SYT1: variants seen among roughly 807,000 people sequenced by gnomAD.
The protein encoded by SYT1 is synaptotagmin 1.
SYT1 carries 8 observed loss-of-function variants against 44.8 expected under a neutral mutation model. The observed-to-expected ratio is 0.18, with a 90% CI of 0.10 to 0.32. The LOEUF (loss-of-function observed/expected upper bound fraction) is 0.32. SYT1 is among the 10% of genes least tolerant of loss of function. SYT1 has a pLI of 1.00. For synonymous variants in SYT1, 154 were observed against 188.8 expected, an observed-to-expected ratio of 0.82 and a Z score of 1.51; for missense variants, 286 against 509.3, an observed-to-expected ratio of 0.56 and a Z score of 4.22.
chr12:79,388,257 T>G (rs1884515675), intron 9 of SYT1, among the ~76,000 whole-genome samples: 1 of 152,236 alleles, frequency 6.6e-6, no homozygotes, highest in Non-Finnish European at 1.5e-5. Flanking sequence ...TCTAGTTCCT[T>G]GGTCACTACT....
At chr12:79,322,882 G>T (rs1881432401) in intron 8 of SYT1, among the ~76,000 whole-genome samples, 1 of 152,134 alleles carries the variant, frequency 6.6e-6, no homozygotes, top group Admixed American at 6.5e-5. Context: ...AGACCCTCCT[G>T]AAAGTGTTAA....
At chr12:79,173,892 A>G (rs1206421563) in intron 3 of SYT1, among the ~76,000 whole-genome samples, 1 of 152,046 alleles carries the variant, frequency 6.6e-6, no homozygotes, top group Non-Finnish European at 1.5e-5. Context: ...GCCGTAATGT[A>G]TATTTAACTT....
intron 2 of SYT1, among the ~76,000 whole-genome samples, chr12:78,984,312 A>G (rs1869491064): frequency 6.6e-6 from 1 of 151,998 alleles, no homozygotes; most frequent in Non-Finnish European, 1.5e-5. Context: ...TTACCATTGC[A>G]GTATGCCAGT....
At chr12:79,147,770 T>C (rs926916720) in intron 3 of SYT1, among the ~76,000 whole-genome samples, 2 of 152,140 alleles carry the variant, frequency 1.3e-5, no homozygotes, top group African/African-American at 4.8e-5. Context: ...CAGGAAGAAA[T>C]ATGAAATATC....
At chr12:79,395,822 T>C (rs1048513793) in intron 9 of SYT1, among the ~76,000 whole-genome samples, 1 of 152,214 alleles carries the variant, frequency 6.6e-6, no homozygotes, top group African/African-American at 2.4e-5. Flanking sequence ...GAAAAATTGA[T>C]TTAAACTGAT....
At chr12:78,971,079 G>GC (rs773630963) in intron 1 of SYT1, among the ~76,000 whole-genome samples, 28 of 152,156 alleles carry the variant, frequency 1.8e-4, no homozygotes, top group East Asian at 9.6e-4. Context: ...CAGGAGAATT[G>GC]CTTGAACCCA....
intron 1 of SYT1, among the ~76,000 whole-genome samples, chr12:78,899,442 T>G (rs1384272621): frequency 6.6e-6 from 1 of 152,006 alleles, no homozygotes; most frequent in African/African-American, 2.4e-5. Context: ...AATATAATTT[T>G]TATTTATATT....
At chr12:78,955,329 G>C (rs1292745709) in intron 1 of SYT1, 1 of 152,218 alleles carries the variant, frequency 6.6e-6, no homozygotes, top group Non-Finnish European at 1.5e-5. Flanking sequence ...CATAACACCA[G>C]TTGTGCCTCA....
rs1242376220 is a variant in SYT1, at chr12:79,179,222, A to G, written c.-17-38281A>G. 1.2e-4 allele frequency among the ~76,000 whole-genome samples: 3 copies of G among 25,352 alleles called. 1 individual carries two copies. Among genetic ancestry groups the G allele is most frequent in the African/African-American group, 8.8e-4 (3 of 3,400 alleles). 16.6% of individuals were successfully genotyped at this position (25,352 alleles called of 152,430 possible). A position where few individuals can be genotyped will look rare whatever the true frequency, so the allele number is the denominator to read the frequency against. On this transcript the variant is annotated intron_variant, in intron 3 of 10. Transcript: ENST00000261205. ...TATATAGATATAGATATAGATATAT[A>G]GATATAGATATAGATATATAGATAT...
intron 6 of SYT1, among the ~76,000 whole-genome samples, chr12:79,294,396 G>T (rs950501848): frequency 1.3e-5 from 2 of 151,922 alleles, no homozygotes; most frequent in African/African-American, 4.8e-5. Flanking sequence ...TTCCTAAGAA[G>T]CAGGAAGTTA....
intron 8 of SYT1, among the ~76,000 whole-genome samples, chr12:79,348,231 A>C (rs1464224555): frequency 6.6e-6 from 1 of 152,192 alleles, no homozygotes; most frequent in Non-Finnish European, 1.5e-5. Context: ...TGAGAAGGAA[A>C]CTAGAAAGGA....
At chr12:79,216,058 A>T (rs1011396195) in intron 3 of SYT1, among the ~76,000 whole-genome samples, 9 of 147,382 alleles carry the variant, frequency 6.1e-5, no homozygotes, top group Admixed American at 5.6e-4. Flanking sequence ...CAGCCTCCCG[A>T]CTATCTGGGA....
chr12:79,043,489 C>T (rs1280318580), intron 2 of SYT1, among the ~76,000 whole-genome samples: 8 of 149,868 alleles, frequency 5.3e-5, no homozygotes, highest in African/African-American at 2.0e-4. Flanking sequence ...GTAGATCTTC[C>T]TCCATCCTTT....
In SYT1 at chr12:79,301,737, C is replaced by T. The variant is rs1484796054; in HGVS notation, c.810+2186C>T. The stretch of plus-strand genomic sequence containing the variant: ...TTCGCTATCCTTTTTCTCACCATTG[C>T]ACTTACTGAGTATCTGTAGGAGTTA... On this transcript the variant is annotated intron_variant, in intron 8 of 10. Coordinates refer to ENST00000261205, the MANE Select transcript of SYT1 (RefSeq NM_005639.3). 3.9e-5 allele frequency among the ~76,000 whole-genome samples: 6 copies of T among 152,110 alleles called. No homozygotes were observed. The South Asian group carries it at 1.2e-3, about 32-fold the overall frequency.
At chr12:79,262,282 T>C (rs915201201) in intron 4 of SYT1, among the ~76,000 whole-genome samples, 21 of 152,206 alleles carry the variant, frequency 1.4e-4, no homozygotes, top group African/African-American at 3.9e-4. Flanking sequence ...GTATTCAATA[T>C]AACCAGTATT....
At chr12:79,259,747 A>G (rs1877725781) in intron 4 of SYT1, among the ~76,000 whole-genome samples, 1 of 152,214 alleles carries the variant, frequency 6.6e-6, no homozygotes, top group Non-Finnish European at 1.5e-5. Flanking sequence ...CAGAAACAAA[A>G]AAACTCATAT....
At chr12:78,905,451 A>T (rs117531926) in intron 1 of SYT1, among the ~76,000 whole-genome samples, 4,139 of 152,214 alleles carry the variant, frequency 0.027, 89 homozygotes, top group Non-Finnish European at 0.039. Flanking sequence ...GAAGGAAAAC[A>T]GTTGTAATAG....
At chr12:78,984,089 C>A (rs569556855) in intron 2 of SYT1, among the ~76,000 whole-genome samples, 1 of 151,398 alleles carries the variant, frequency 6.6e-6, no homozygotes, top group East Asian at 1.9e-4. Context: ...TTATCTAGGG[C>A]AAATCTTAAT....
chr12:78,932,465 T>G (rs754204929), intron 1 of SYT1, among the ~76,000 whole-genome samples: 1 of 152,202 alleles, frequency 6.6e-6, no homozygotes, highest in Non-Finnish European at 1.5e-5. Flanking sequence ...CAAAATTATC[T>G]AATGTCATAT....
Sources: allele counts gnomAD v4.1 joint callset (sites outside exome capture counted in the v4.1 genomes callset), GRCh38; gene constraint gnomAD v4.1.1; transcripts MANE v1.5; gene names NCBI Gene and HGNC (gene_info 2026-07-23, HGNC 2026-07-21).